Variants in SGCD observed in about 807,000 individuals in gnomAD.
SGCD encodes the protein sarcoglycan delta, also known as delta-sarcoglycan.
SGCD carries 18 observed loss-of-function variants against 36.6 expected under a neutral mutation model. The ratio of observed to expected loss-of-function variants is 0.49; its 90% CI spans 0.34 to 0.73. The LOEUF (loss-of-function observed/expected upper bound fraction) is 0.73, where lower values mean the gene tolerates loss of function less well. Among genes scored for constraint, SGCD ranks in the 30% least tolerant of loss-of-function variants. The pLI, the probability that SGCD is intolerant of heterozygous loss-of-function variation, is 0.01. For missense variants in SGCD, 387 were observed against 346.7 expected, an observed-to-expected ratio of 1.12 and a Z score of -0.92; for synonymous variants, 133 against 130.6, an observed-to-expected ratio of 1.02 and a Z score of -0.12.
At chr5:156,168,170 AT>A (rs1450752730) in intron 3 of SGCD, among the ~76,000 whole-genome samples, 1 of 152,204 alleles carries the variant, frequency 6.6e-6, no homozygotes, top group Admixed American at 6.5e-5. Context: ...TTTTTTTCCT[AT>A]TTAGTTAGAA....
rs893828717 is a variant in SGCD, at chr5:156,764,820, A to G, written c.*5430A>G. On this transcript the variant is annotated 3_prime_UTR_variant, in exon 9 of 9. Coordinates refer to ENST00000337851, the MANE Select transcript of SGCD (RefSeq NM_000337.6). Reference sequence around the variant, plus strand: ...TCAATAAACAGTCTCAAACCTTCCAACAACAGTGCTCACTGCTGCTCCTCA... The same window carrying G: ...TCAATAAACAGTCTCAAACCTTCCAGCAACAGTGCTCACTGCTGCTCCTCA... 1.3e-5 allele frequency: 2 copies of G among 152,186 alleles called. No homozygotes were observed. The highest frequency in any genetic ancestry group is 4.8e-5 in the African/African-American group (2 of 41,444). 9.4% of individuals were successfully genotyped at this position (152,186 alleles called of 1,614,324 possible).
At chr5:156,647,413 A>C in intron 6 of SGCD, 51 bp from the exon 7 acceptor site, 1 of 1,261,142 alleles carries the variant, frequency 7.9e-7, no homozygotes, top group Non-Finnish European at 1.1e-6. Flanking sequence ...TTGTGCCTAC[A>C]GGTGACTCCA....
intron 1 of SGCD, among the ~76,000 whole-genome samples, chr5:156,025,241 G>T (rs899319462): frequency 2.0e-5 from 3 of 152,128 alleles, no homozygotes; most frequent in Non-Finnish European, 4.4e-5. Flanking sequence ...AAATGAGAGG[G>T]CTGGGAGGTC....
chr5:156,059,782 C>T (rs1760156631), intron 1 of SGCD, among the ~76,000 whole-genome samples: 1 of 146,848 alleles, frequency 6.8e-6, no homozygotes, highest in African/African-American at 2.5e-5. Flanking sequence ...AAATACAAGT[C>T]GTTTCGTGGC....
chr5:156,604,432 C>G (rs1231727092), intron 6 of SGCD, among the ~76,000 whole-genome samples: 1 of 151,710 alleles, frequency 6.6e-6, no homozygotes, highest in African/African-American at 2.4e-5. Context: ...CTCTTTTTTA[C>G]CTCTGTGGTG....
At position 156,054,440 on chromosome 5, in the gene SGCD, C is replaced by T. The variant is rs1405996772; in HGVS notation, c.-281-63438C>T. ...ACCTGGGACTACAGGCACCCGCCAC[C>T]ACGCCTGGCTAATTTTTTGTATTTT... On this transcript the variant is annotated intron_variant, in intron 1 of 9. Coordinates refer to the SGCD transcript ENST00000517913. Among the ~76,000 whole-genome samples the T allele has an allele frequency of 1.4e-5, 2 of 144,958 alleles. 1 individual carries two copies. Among genetic ancestry groups the T allele is most frequent in the Non-Finnish European group, 3.1e-5 (2 of 64,468 alleles).
chr5:156,530,738 C>A (rs1757853592), intron 4 of SGCD, among the ~76,000 whole-genome samples: 1 of 152,038 alleles, frequency 6.6e-6, no homozygotes, highest in African/African-American at 2.4e-5. Flanking sequence ...CACCACCGTG[C>A]CCAGCTAATT....
intron 1 of SGCD, among the ~76,000 whole-genome samples, chr5:156,000,858 A>G (rs577115898): frequency 6.6e-6 from 1 of 151,516 alleles, no homozygotes; most frequent in East Asian, 1.9e-4. Flanking sequence ...TATGTCTGGG[A>G]TGGGGCCTAA....
intron 7 of SGCD, among the ~76,000 whole-genome samples, chr5:156,734,932 G>A (rs1451569303): frequency 6.6e-6 from 1 of 152,180 alleles, no homozygotes; most frequent in Non-Finnish European, 1.5e-5. Context: ...TTAGCTTTTT[G>A]AGTTTTCAGT....
chr5:155,736,531 C>G, the SGCD span, among the ~76,000 whole-genome samples: 1 of 152,156 alleles, frequency 6.6e-6, no homozygotes. Flanking sequence ...CATGCTAATT[C>G]TTTAGGCCTT....
At chr5:156,417,694 T>C (rs1773116971) in intron 3 of SGCD, among the ~76,000 whole-genome samples, 1 of 152,094 alleles carries the variant, frequency 6.6e-6, no homozygotes, top group Non-Finnish European at 1.5e-5. Context: ...AGATCAGGGC[T>C]CTACCATTAT....
chr5:156,075,050 A>G (rs1760729842), intron 1 of SGCD, among the ~76,000 whole-genome samples: 1 of 152,220 alleles, frequency 6.6e-6, no homozygotes, highest in South Asian at 2.1e-4. Flanking sequence ...ATATCTTGAG[A>G]AATTATATTT....
At chr5:155,773,781 T>C in the SGCD span, among the ~76,000 whole-genome samples, 1 of 152,094 alleles carries the variant, frequency 6.6e-6, no homozygotes, top group Non-Finnish European at 1.5e-5. Flanking sequence ...GTTTAGTGCC[T>C]TTTCTAGGAC....
rs565164175 is a variant in SGCD at position 156,626,795 on chromosome 5, C to G, written c.503-20669C>G. Among the ~76,000 whole-genome samples the G allele has an allele frequency of 9.3e-5, 14 of 151,190 alleles. No individual in the cohort carries two copies. In the South Asian group the frequency reaches 1.9e-3, roughly 20 times the overall value. ...TTATATTTTATAATCCACTCCCCCC[C>G]ACCCTGCTTTTCTATTGAGAACCAG... On this transcript the variant is annotated intron_variant, in intron 6 of 8. Coordinates refer to ENST00000337851, the MANE Select transcript of SGCD (RefSeq NM_000337.6).
chr5:156,289,281 C>G (rs1406587666), intron 3 of SGCD, among the ~76,000 whole-genome samples: 1 of 146,694 alleles, frequency 6.8e-6, no homozygotes, highest in African/African-American at 2.8e-5. Context: ...AGCAAGCAAC[C>G]CCTTATTTTT....
chr5:156,194,056 A>C (rs974841861), intron 3 of SGCD, among the ~76,000 whole-genome samples: 1 of 152,212 alleles, frequency 6.6e-6, no homozygotes, highest in Non-Finnish European at 1.5e-5. Context: ...CTCTGTCATT[A>C]GAAGTAAATT....
At chr5:155,873,623 A>G (rs1755704965) in intron 1 of SGCD, among the ~76,000 whole-genome samples, 1 of 152,204 alleles carries the variant, frequency 6.6e-6, no homozygotes, top group Non-Finnish European at 1.5e-5. Context: ...AGACTTCCCA[A>G]CTTCACAGTG....
chr5:156,724,036 A>C (rs1755645903), intron 7 of SGCD, among the ~76,000 whole-genome samples: 1 of 152,326 alleles, frequency 6.6e-6, no homozygotes, highest in South Asian at 2.1e-4. Context: ...CAAGGTGATG[A>C]CAGTGGGTGT....
At chr5:156,121,879 G>A (rs1581111677) in intron 2 of SGCD, among the ~76,000 whole-genome samples, 1 of 151,984 alleles carries the variant, frequency 6.6e-6, no homozygotes, top group Admixed American at 6.6e-5. Context: ...AAAACAGCAT[G>A]ATGAAAGTAA....
Sources: gnomAD v4.1 joint callset for allele counts (sites outside exome capture counted in the v4.1 genomes callset) on GRCh38, gnomAD v4.1.1 for gene constraint, MANE v1.5 for transcripts, NCBI Gene and HGNC (gene_info 2026-07-23, HGNC 2026-07-21) for gene names.